The following HTR3A variants were observed in gnomAD, a reference collection of about 807,000 sequenced individuals.
HTR3A encodes 5-hydroxytryptamine receptor 3A, also known as 5-hydroxytryptamine (serotonin) receptor 3A, ionotropic.
Under a neutral mutation model 54.8 loss-of-function variants are expected in HTR3A, and 45 were observed. That is an observed-to-expected ratio of 0.82 (90% CI 0.65 to 1.05). HTR3A has a LOEUF of 1.05. Among genes scored for constraint, HTR3A ranks in the 50% least tolerant of loss-of-function variants. The pLI, the probability that HTR3A is intolerant of heterozygous loss-of-function variation, is 0.00. For synonymous variants in HTR3A, 297 were observed against 256.0 expected, an observed-to-expected ratio of 1.16 and a Z score of -1.53; for missense variants, 657 against 614.0, an observed-to-expected ratio of 1.07 and a Z score of -0.74.
At chr11:113,979,159 T>G (rs1306355840) in intron 2 of HTR3A, 74 bp from the exon 3 acceptor site, 1 of 1,149,774 alleles carries the variant, frequency 8.7e-7, no homozygotes, top group East Asian at 2.3e-5. Context: ...AAGCCCCTCC[T>G]TTAGGGGCTG....
chr11:113,986,164 A>G lies in HTR3A; in HGVS notation c.694A>G (p.Met232Val). 1.2e-6 allele frequency: 2 copies of G among 1,614,172 alleles called. No individual in the cohort carries two copies. Among genetic ancestry groups the G allele is most frequent in the Non-Finnish European group, 8.5e-7 (1 of 1,180,024 alleles). The change falls in exon 6 of 9, where the codon ATG (methionine) becomes GTG (valine). Residue 232 changes from methionine (M) to valine (V), a missense_variant. Met to Val is a conservative substitution (Grantham distance 21). Transcript: ENST00000504030. ...GGAAAGCAGTAACTACTATGCAGAA[A>G]TGAAGTTCTATGTGAGTGGGAGTGA... ...SMESSNYYAE[M>V]KFYVVIRRRP...
At position 113,975,236 on chromosome 11, in the gene HTR3A, G is replaced by C. The variant is rs750738090; in HGVS notation, c.-90G>C. ...TGGCCACGAGAGGCAGGCTGGCTGG[G>C]ACATGAGGTTGGCAGAGGGCAGGCA... On this transcript the variant is annotated 5_prime_UTR_variant, in exon 1 of 9. Coordinates refer to ENST00000504030, the MANE Select transcript of HTR3A (RefSeq NM_000869.6). 4 of 1,266,698 alleles carry C rather than the reference G, an allele frequency of 3.2e-6. No individual in the cohort carries two copies. The South Asian group carries it at 3.7e-5, about 12-fold the overall frequency. The allele number at this position is 1,266,698 out of a possible 1,614,324, so 78.5% of individuals were successfully genotyped here. A position where few individuals can be genotyped will look rare whatever the true frequency, so the allele number is the denominator to read the frequency against.
chr11:113,983,015 A>G, intron 4 of HTR3A, 105 bp from the exon 5 acceptor site: 2 of 1,313,516 alleles, frequency 1.5e-6, no homozygotes, highest in Non-Finnish European at 2.2e-6. Context: ...GGCTGCCTAT[A>G]CCCTCCCCGA....
chr11:113,987,006 C>A lies in HTR3A; in HGVS notation c.1098C>A (p.Pro366=). The A allele has an allele frequency of 6.2e-7, 1 of 1,613,930 alleles. No individual in the cohort carries two copies. The highest frequency in any genetic ancestry group is 8.5e-7 in the Non-Finnish European group (1 of 1,180,028). ...CLREQSTSQR[P]PATSQATKTD... ...GGGAGCAGTCAACTTCCCAGAGGCC[C>A]CCAGCCACCTCCCAAGCCACCAAGA... Residue 366 remains proline (P), a synonymous_variant, in exon 8 of 9, where the codon CCC becomes CCA. Transcript: ENST00000504030.
intron 5 of HTR3A, among the ~76,000 whole-genome samples, chr11:113,983,825 C>T (rs1377023708): frequency 6.6e-6 from 1 of 152,100 alleles, no homozygotes; most frequent in Non-Finnish European, 1.5e-5. Flanking sequence ...CCCATGCATT[C>T]GTGTCCCCCT....
In HTR3A at chr11:113,977,560, T is replaced by C. The variant is rs927708501; in HGVS notation, c.68-211T>C. The C allele has an allele frequency of 6.5e-6, 10 of 1,546,558 alleles. No individual in the cohort carries two copies. In the African/African-American group the frequency reaches 1.2e-4, roughly 19 times the overall value. On this transcript the variant is annotated intron_variant, in intron 1 of 8. Coordinates refer to ENST00000504030, the MANE Select transcript of HTR3A (RefSeq NM_000869.6). ...CTCTGCTTTCCTGTCAATGAATGCA[T>C]AGGTCCTTTCTACAAGGTAATACAT...
Position 113,989,441 on chromosome 11 carries a change from G to T in HTR3A, c.1139-24G>T. On this transcript the variant is annotated intron_variant, in intron 8 of 8. Transcript: ENST00000504030. The surrounding 1 kb of genome is among the most constrained non-coding windows in gnomAD (Gnocchi z 4.4). ...TCACCACCCGGGGTCTCCCTCTCTT[G>T]CCAATGCCCTGCCCTTCTTCCAGCC... 6.2e-7 allele frequency: 1 copy of T among 1,613,456 alleles called. No individual in the cohort carries two copies. Among genetic ancestry groups the T allele is most frequent in the Non-Finnish European group, 8.5e-7 (1 of 1,179,938 alleles).
chr11:113,979,001 A>T (rs932975838), intron 2 of HTR3A, among the ~76,000 whole-genome samples: 2 of 152,186 alleles, frequency 1.3e-5, no homozygotes, highest in East Asian at 1.9e-4. Flanking sequence ...AAAATAAATT[A>T]AAAAATGAAT....
At chr11:113,988,806 G>T (rs1369977994) in intron 8 of HTR3A, among the ~76,000 whole-genome samples, 1 of 152,032 alleles carries the variant, frequency 6.6e-6, no homozygotes, top group African/African-American at 2.4e-5. Context: ...AAACAGAATA[G>T]TAATCACGCC....
At chr11:113,986,290 A>T (rs1214949301) in intron 6 of HTR3A, 115 bp downstream of exon 6, 5 of 1,332,730 alleles carry the variant, frequency 3.8e-6, no homozygotes, top group African/African-American at 2.9e-5. Flanking sequence ...GGTTGCACAC[A>T]TCTGGAACTT....
chr11:113,975,358 C>T lies in HTR3A; in HGVS notation c.33C>T (p.Ala11=), dbSNP rs1249666690. The change falls in exon 1 of 9, where the codon GCC becomes GCT. Residue 11 remains alanine (A), a synonymous_variant. Coordinates refer to ENST00000504030, the MANE Select transcript of HTR3A (RefSeq NM_000869.6). Reference sequence around the variant, plus strand: ...TGTGGGTCCAGCAGGCGCTGCTCGCCTTGCTCCTCCCCACACTCCTGGCAC... The same window carrying T: ...TGTGGGTCCAGCAGGCGCTGCTCGCTTTGCTCCTCCCCACACTCCTGGCAC... MLLWVQQALL[A]LLLPTLLAQG... The T allele has an allele frequency of 1.2e-6, 2 of 1,613,124 alleles. No individual in the cohort carries two copies. The highest frequency in any genetic ancestry group is 1.7e-6 in the Non-Finnish European group (2 of 1,180,020).
In HTR3A at chr11:113,977,902, G is replaced by T. The variant is rs376682276; in HGVS notation, c.199G>T (p.Val67Phe). 7.4e-6 allele frequency: 12 copies of T among 1,614,240 alleles called. No homozygotes were observed. In the South Asian group the frequency reaches 8.8e-5, roughly 12 times the overall value. ...AACCACCGTATCCATTGACGTCATTGTCTATGCCATCCTCAACGTGGTGAG... is the reference window on the plus strand; with the variant it reads ...AACCACCGTATCCATTGACGTCATTTTCTATGCCATCCTCAACGTGGTGAG... ...KPTTVSIDVI[V>F]YAILNVDEKN... is the part of the protein sequence containing the mutation. The change falls in exon 2 of 9, where the codon GTC (valine) becomes TTC (phenylalanine). Residue 67 changes from valine to phenylalanine, a missense_variant. Transcript: ENST00000504030.
In HTR3A at chr11:113,989,877, C is replaced by A. The variant is rs757553875; in HGVS notation, c.*114C>A. ...GCCAGGGACATTTTCAAGACACAGA[C>A]AAAGTCCCGTGCCCTGTTTCCAATG... is the stretch of plus-strand genomic sequence containing the variant. On this transcript the variant is annotated 3_prime_UTR_variant, in exon 9 of 9. Coordinates refer to ENST00000504030, the MANE Select transcript of HTR3A (RefSeq NM_000869.6). The surrounding 1 kb of genome is among the most constrained non-coding windows in gnomAD (Gnocchi z 4.4). The A allele has an allele frequency of 1.2e-5, 14 of 1,177,228 alleles. No homozygotes were observed. The highest frequency in any genetic ancestry group is 5.3e-5 in the Admixed American group (3 of 56,864). 72.9% of individuals were successfully genotyped at this position (1,177,228 alleles called of 1,614,324 possible). A position where few individuals can be genotyped will look rare whatever the true frequency, so the allele number is the denominator to read the frequency against.
intron 5 of HTR3A, among the ~76,000 whole-genome samples, chr11:113,983,560 G>A (rs909411): frequency 0.24 from 37,020 of 152,006 alleles, 4,749 homozygotes; most frequent in Admixed American, 0.3. Flanking sequence ...TCATGTGTGC[G>A]TATATATACA....
In HTR3A at chr11:113,986,871, C is replaced by T. The variant is rs563562923; in HGVS notation, c.963C>T (p.Ala321=). 1.9e-5 allele frequency: 31 copies of T among 1,614,130 alleles called. No homozygotes were observed. The Admixed American group carries it at 2.5e-4, about 13-fold the overall frequency. The part of the protein sequence containing the change: ...VCMALLVISL[A]ETIFIVRLVH... ...TGGCTCTGCTGGTGATAAGTTTGGC[C>T]GAGACCATCTTCATTGTGCGGCTGG... The change falls in exon 8 of 9, where the codon GCC becomes GCT. Residue 321 remains alanine, a synonymous_variant. Transcript: ENST00000504030.
At chr11:113,981,104 C>G (rs1950416276) in intron 3 of HTR3A, 99 bp from the exon 4 acceptor site, 3 of 767,132 alleles carry the variant, frequency 3.9e-6, no homozygotes, top group Non-Finnish European at 7.1e-6. Flanking sequence ...AGATGCCCAC[C>G]TGTTGCCTGG....
chr11:113,979,218 C>T lies in HTR3A; in HGVS notation c.220-15C>T, dbSNP rs1297778484. On this transcript the variant is annotated splice_polypyrimidine_tract_variant and intron_variant, in intron 2 of 8. Coordinates refer to ENST00000504030, the MANE Select transcript of HTR3A (RefSeq NM_000869.6). ...TCCACAGGGTTACTTGTTCAAGCTC[C>T]CTTTCCTTTCCCAGGATGAGAAGAA... 2.7e-5 allele frequency: 44 copies of T among 1,611,938 alleles called. No individual in the cohort carries two copies. The highest frequency in any genetic ancestry group is 3.6e-5 in the Non-Finnish European group (43 of 1,178,460).
rs370765647 is a variant in HTR3A at position 113,983,163 on chromosome 11, C to T, written c.418C>T (p.Arg140Trp). The T allele has an allele frequency of 1.2e-5, 19 of 1,614,084 alleles. No individual in the cohort carries two copies. In the African/African-American group the frequency reaches 1.2e-4, roughly 10 times the overall value. The change falls in exon 5 of 9, where the codon CGG becomes TGG. Residue 140 changes from arginine to tryptophan, a missense_variant. Transcript: ENST00000504030. ...KSPNIPYVYI[R>W]HQGEVQNYKP... ...TCCAAATATCCCGTACGTGTATATT[C>T]GGCATCAAGGCGAAGTTCAGAACTA...
intron 8 of HTR3A, among the ~76,000 whole-genome samples, chr11:113,988,446 T>C (rs1950517299): frequency 6.6e-6 from 1 of 152,204 alleles, no homozygotes; most frequent in African/African-American, 2.4e-5. Flanking sequence ...CTAACCTCTC[T>C]CAGCTTCACC....
Sources: gnomAD v4.1 joint callset for allele counts (sites outside exome capture counted in the v4.1 genomes callset) on GRCh38, gnomAD v4.1.1 for gene constraint, Gnocchi (gnomAD v3.1) non-coding constraint, MANE v1.5 for transcripts, NCBI Gene and HGNC (gene_info 2026-07-23, HGNC 2026-07-21) for gene names.